The following L3MBTL3 variants were observed in gnomAD, a reference collection of about 807,000 sequenced individuals.
L3MBTL3 encodes lethal(3)malignant brain tumor-like protein 3.
L3MBTL3 carries 27 observed loss-of-function variants against 102.3 expected under a neutral mutation model. The ratio of observed to expected loss-of-function variants is 0.26; its 90% CI spans 0.19 to 0.36. The LOEUF (loss-of-function observed/expected upper bound fraction) is 0.36, where lower values mean the gene tolerates loss of function less well. Ranked by LOEUF, L3MBTL3 falls within the 10% of genes least tolerant of loss-of-function variation. L3MBTL3 has a pLI of 1.00. For missense variants in L3MBTL3, 798 were observed against 955.3 expected (o/e 0.84, Z 2.17); for synonymous variants, 340 against 320.9 (o/e 1.06, Z -0.64).
chr6:130,110,809 G>A (rs1174563861), intron 19 of L3MBTL3, among the ~76,000 whole-genome samples: 3 of 152,178 alleles, frequency 2.0e-5, no homozygotes, highest in Admixed American at 2.0e-4. Context: ...TGCCCATTTA[G>A]TATGATATTG....
intron 8 of L3MBTL3, among the ~76,000 whole-genome samples, chr6:130,056,020 T>TG (rs2114843166): frequency 1.3e-5 from 2 of 148,770 alleles, no homozygotes; most frequent in South Asian, 2.2e-4. Flanking sequence ...CTCCACCTCC[T>TG]GGGTTCACGT....
chr6:130,051,309 T>A lies in L3MBTL3; in HGVS notation c.350T>A (p.Leu117His), dbSNP rs781041686. Reference protein sequence around the residue: ...RLKDPVKVEGLQFCENCCQYG... With the variant: ...RLKDPVKVEGHQFCENCCQYG... ...AAGGATCCAGTGAAAGTAGAAGGGC[T>A]TCAGTTCTGTGAGAACTGTTGTCAG... is the stretch of plus-strand genomic sequence containing the variant. Residue 117 changes from leucine to histidine, a missense_variant, in exon 6 of 23, where the codon CTT becomes CAT. By Grantham distance (99) the Leu-to-His change is moderately conservative. This residue lies in a region of L3MBTL3 where 434 missense variants were observed against 506.6 expected (regional missense o/e 0.86). Coordinates refer to ENST00000361794, the MANE Select transcript of L3MBTL3 (RefSeq NM_032438.4). 6.8e-6 allele frequency: 11 copies of A among 1,613,202 alleles called. No individual in the cohort carries two copies. The highest frequency in any genetic ancestry group is 9.3e-6 in the Non-Finnish European group (11 of 1,179,106).
At chr6:130,070,709 T>C (rs1334388101) in intron 12 of L3MBTL3, 1 of 283,482 alleles carries the variant, frequency 3.5e-6, no homozygotes, top group African/African-American at 2.2e-5. Flanking sequence ...TAAAATTAAT[T>C]ATTTTAAATT....
In L3MBTL3 at chr6:130,049,306, C is replaced by T. The variant is rs564925908; in HGVS notation, c.127C>T (p.Leu43=). ...GTTTCGGGTAAATGAGTTTGGAGCC[C>T]TGGAAGTTATTACAGATGAGAATGA... is the stretch of plus-strand genomic sequence containing the variant. ...LKFRVNEFGA[L]EVITDENEME... is the part of the protein sequence containing the mutation. The change falls in exon 4 of 23, where the codon CTG becomes TTG. Residue 43 remains leucine (L), a synonymous_variant. Transcript: ENST00000361794. 6.2e-6 allele frequency: 10 copies of T among 1,613,108 alleles called. No homozygotes were observed. In the South Asian group the frequency reaches 8.8e-5, roughly 14 times the overall value.
rs1203358724 is a variant in L3MBTL3 at position 130,018,854 on chromosome 6, G to A, written c.-95+190G>A. On this transcript the variant is annotated intron_variant, in intron 1 of 22. Coordinates refer to ENST00000361794, the MANE Select transcript of L3MBTL3 (RefSeq NM_032438.4). ...AGGGGTTTCTCCCCCACTTCTCTGCGCCTCTGGGAAAGAGGAGAAAACTTA... is the reference window on the plus strand; with the variant it reads ...AGGGGTTTCTCCCCCACTTCTCTGCACCTCTGGGAAAGAGGAGAAAACTTA... Among the ~76,000 whole-genome samples, 3 of 152,218 alleles carry A rather than the reference G, an allele frequency of 2.0e-5. No individual in the cohort carries two copies. The East Asian group carries it at 5.8e-4, about 29-fold the overall frequency.
intron 19 of L3MBTL3, among the ~76,000 whole-genome samples, chr6:130,109,440 C>T (rs1785209537): frequency 6.6e-6 from 1 of 152,156 alleles, no homozygotes; most frequent in Non-Finnish European, 1.5e-5. Context: ...TTTTGATTTG[C>T]ATTTATCTAA....
intron 19 of L3MBTL3, among the ~76,000 whole-genome samples, chr6:130,116,021 G>C (rs2115450078): frequency 6.6e-6 from 1 of 152,230 alleles, no homozygotes; most frequent in Admixed American, 6.5e-5. Context: ...TTGGTTAGAG[G>C]CCACATAGCT....
intron 15 of L3MBTL3, 101 bp downstream of exon 15, chr6:130,083,806 GA>G: frequency 5.8e-6 from 3 of 513,074 alleles, no homozygotes; most frequent in South Asian, 6.4e-5. Context: ...ATAGGAATGA[GA>G]AAAAAATAGA....
chr6:130,088,183 G>GT (rs2115176339), intron 16 of L3MBTL3, among the ~76,000 whole-genome samples: 1 of 152,210 alleles, frequency 6.6e-6, no homozygotes, highest in African/African-American at 2.4e-5. Flanking sequence ...GCTGTGAGGG[G>GT]TACAGTTGAC....
intron 16 of L3MBTL3, among the ~76,000 whole-genome samples, chr6:130,089,782 A>T (rs1783923481): frequency 6.6e-6 from 1 of 151,440 alleles, no homozygotes; most frequent in Non-Finnish European, 1.5e-5. Flanking sequence ...ATGGTATCTC[A>T]TTGTGGTTTT....
At chr6:130,043,204 A>C (rs1298321863) in intron 3 of L3MBTL3, among the ~76,000 whole-genome samples, 1 of 152,232 alleles carries the variant, frequency 6.6e-6, no homozygotes, top group African/African-American at 2.4e-5. Context: ...TGTGTCCTAG[A>C]GTTCTCATTT....
At chr6:130,137,981 T>C (rs968166407) in intron 22 of L3MBTL3, 1 of 152,252 alleles carries the variant, frequency 6.6e-6, no homozygotes, top group African/African-American at 2.4e-5. Flanking sequence ...AGATTAACAC[T>C]GGAACGTCTT....
At chr6:130,028,172 C>T (rs931165101) in intron 2 of L3MBTL3, among the ~76,000 whole-genome samples, 3 of 150,906 alleles carry the variant, frequency 2.0e-5, no homozygotes, top group African/African-American at 7.3e-5. Context: ...ATTCATCCTT[C>T]TTACAGTAAC....
chr6:130,021,166 G>C (rs1450438260), intron 1 of L3MBTL3, among the ~76,000 whole-genome samples: 1 of 152,156 alleles, frequency 6.6e-6, no homozygotes, highest in Admixed American at 6.5e-5. Context: ...CATTTCTCCG[G>C]AAAGTTTCAA....
At chr6:130,049,202 C>T in intron 3 of L3MBTL3, 80 bp from the exon 4 acceptor site, 2 of 787,798 alleles carry the variant, frequency 2.5e-6, no homozygotes, top group Non-Finnish European at 4.4e-6. Context: ...TGCTTGAAGA[C>T]TATATGTGTC....
intron 18 of L3MBTL3, among the ~76,000 whole-genome samples, chr6:130,099,035 T>G (rs1355653160): frequency 1.3e-5 from 2 of 151,984 alleles, no homozygotes; most frequent in Non-Finnish European, 2.9e-5. Flanking sequence ...TTAAAAGGGT[T>G]TTTAAGGTGG....
intron 14 of L3MBTL3, among the ~76,000 whole-genome samples, chr6:130,080,294 G>T (rs1174788793): frequency 6.6e-6 from 1 of 151,980 alleles, no homozygotes; most frequent in Admixed American, 6.6e-5. Flanking sequence ...GGTATTAATG[G>T]TTTCATGGTG....
chr6:130,097,028 G>T (rs1283927285), intron 18 of L3MBTL3, among the ~76,000 whole-genome samples: 1 of 152,148 alleles, frequency 6.6e-6, no homozygotes, highest in Non-Finnish European at 1.5e-5. Flanking sequence ...GCAATTCACA[G>T]AACTCCTGGA....
At chr6:130,101,024 G>C (rs749685052) in intron 18 of L3MBTL3, among the ~76,000 whole-genome samples, 26 of 152,136 alleles carry the variant, frequency 1.7e-4, no homozygotes, top group Admixed American at 7.9e-4. Context: ...CATGATATTC[G>C]AGGAATAGCT....
Sources: gnomAD v4.1 joint callset for allele counts (sites outside exome capture counted in the v4.1 genomes callset) on GRCh38, gnomAD v4.1.1 for gene constraint, gnomAD v4.1.1 regional missense constraint, MANE v1.5 for transcripts, NCBI Gene and HGNC (gene_info 2026-07-23, HGNC 2026-07-21) for gene names.